Variants in TMC5 observed in about 807,000 individuals in gnomAD.
TMC5 encodes transmembrane channel-like protein 5.
In TMC5, 86 loss-of-function variants were observed where a neutral mutation model predicts 110.5. The observed-to-expected ratio is 0.78, with a 90% CI of 0.65 to 0.93. The LOEUF (loss-of-function observed/expected upper bound fraction) is 0.93, where lower values mean the gene tolerates loss of function less well. Among genes scored for constraint, TMC5 ranks in the 40% least tolerant of loss-of-function variants. The pLI is 0.00. For missense variants in TMC5, 1,144 were observed against 1,222.8 expected, an observed-to-expected ratio of 0.94 and a Z score of 0.96; for synonymous variants, 455 against 439.5, an observed-to-expected ratio of 1.04 and a Z score of -0.44.
At chr16:19,471,343 G>A (rs917945446) in intron 10 of TMC5, among the ~76,000 whole-genome samples, 1 of 151,902 alleles carries the variant, frequency 6.6e-6, no homozygotes, top group African/African-American at 2.4e-5. Flanking sequence ...CTCCCACCTC[G>A]GCCTCCCAAC....
chr16:19,431,246 G>A (rs868864454), intron 2 of TMC5, among the ~76,000 whole-genome samples: 18 of 152,184 alleles, frequency 1.2e-4, no homozygotes, highest in Middle Eastern at 3.4e-3. Context: ...CCCGTTAGAA[G>A]ATAAAACGTG....
intron 6 of TMC5, 96 bp downstream of exon 6, chr16:19,460,430 C>T (rs1967993484): frequency 2.5e-6 from 2 of 809,534 alleles, no homozygotes; most frequent in Non-Finnish European, 3.9e-6. Flanking sequence ...TAAATAAGCA[C>T]AATAGAAGAG....
intron 1 of TMC5, among the ~76,000 whole-genome samples, chr16:19,418,467 C>A (rs1597153090): frequency 6.6e-6 from 1 of 152,068 alleles, no homozygotes; most frequent in Admixed American, 6.6e-5. Context: ...TAATAAAATA[C>A]GGTGCACGAC....
At chr16:19,452,359 C>T (rs986155584) in intron 5 of TMC5, among the ~76,000 whole-genome samples, 2 of 152,168 alleles carry the variant, frequency 1.3e-5, no homozygotes, top group African/African-American at 4.8e-5. Context: ...TACCTGAACC[C>T]AGTCCTCTTG....
intron 1 of TMC5, among the ~76,000 whole-genome samples, chr16:19,420,120 A>G (rs1966951716): frequency 6.6e-6 from 1 of 151,946 alleles, no homozygotes; most frequent in Non-Finnish European, 1.5e-5. Flanking sequence ...CACCACCATT[A>G]ATGATTAAAA....
intron 12 of TMC5, among the ~76,000 whole-genome samples, chr16:19,476,758 C>T (rs540017547): frequency 2.4e-4 from 36 of 152,300 alleles, no homozygotes; most frequent in Admixed American, 4.6e-4. Context: ...TCAGTGGCTT[C>T]GAACACAAAG....
chr16:19,426,606 G>A (rs1022942796), intron 1 of TMC5, among the ~76,000 whole-genome samples: 6 of 152,284 alleles, frequency 3.9e-5, no homozygotes, highest in African/African-American at 9.6e-5. Context: ...AGAGACGGGC[G>A]TCCTCCTTCT....
intron 5 of TMC5, among the ~76,000 whole-genome samples, chr16:19,457,737 T>TTTTTG (rs1967922582): frequency 8.2e-6 from 1 of 122,506 alleles, no homozygotes; most frequent in Non-Finnish European, 1.7e-5. Context: ...TTTTTTTTTT[T>TTTTTG]TTTTTTGAGA....
chr16:19,485,416 A>G (rs1285504802), intron 15 of TMC5, among the ~76,000 whole-genome samples: 5 of 152,136 alleles, frequency 3.3e-5, no homozygotes. Context: ...GGGGTCAGTA[A>G]GACCCTAGAT....
chr16:19,449,535 C>G lies in TMC5; in HGVS notation c.959-7C>G. 1 of 1,613,214 alleles carries G rather than the reference C, an allele frequency of 6.2e-7. No individual in the cohort carries two copies. The highest frequency in any genetic ancestry group is 8.5e-7 in the Non-Finnish European group (1 of 1,179,212). ...AATCGGCAATATCTCCTTCCTCTTC[C>G]CTCCAGTGAACCCTGCTTATGTAGG... On this transcript the variant is annotated splice_polypyrimidine_tract_variant and splice_region_variant and intron_variant, in intron 4 of 21. Transcript: ENST00000542583.
chr16:19,418,725 GTGT>G (rs1230242470), intron 1 of TMC5, among the ~76,000 whole-genome samples: 1 of 88,692 alleles, frequency 1.1e-5, no homozygotes, highest in Non-Finnish European at 2.0e-5. Flanking sequence ...AGTGATTTTT[GTGT>G]TTTTTTTTTT....
chr16:19,416,049 TA>T (rs1966875334), upstream of TMC5, among the ~76,000 whole-genome samples: 1 of 152,130 alleles, frequency 6.6e-6, no homozygotes, highest in South Asian at 2.1e-4. Flanking sequence ...AATGTGGTGG[TA>T]CATACCTGTA....
intron 2 of TMC5, among the ~76,000 whole-genome samples, chr16:19,439,351 A>T (rs907459789): frequency 6.6e-6 from 1 of 152,170 alleles, no homozygotes; most frequent in African/African-American, 2.4e-5. Context: ...ATATTAATTT[A>T]TGCTTTGAAC....
chr16:19,473,345 C>CAAAAAAAAAAAAAAAAAAAAAA (rs35872301), intron 11 of TMC5, among the ~76,000 whole-genome samples: 1 of 20,238 alleles, frequency 4.9e-5, no homozygotes, highest in African/African-American at 1.0e-4. Context: ...GACTCCGGCT[C>CAAAAAAAAAAAAAAAAAAAAAA]AAAAAAAAAA....
intron 1 of TMC5, among the ~76,000 whole-genome samples, chr16:19,428,659 C>G (rs1056847926): frequency 6.6e-6 from 1 of 152,134 alleles, no homozygotes; most frequent in Non-Finnish European, 1.5e-5. Context: ...CTCTTTCTCA[C>G]TCATTTAACA....
chr16:19,427,851 C>T (rs1967117239), intron 1 of TMC5, among the ~76,000 whole-genome samples: 1 of 108,294 alleles, frequency 9.2e-6, no homozygotes, highest in Admixed American at 1.0e-4. Flanking sequence ...ATAGTTTCTG[C>T]CACTCTCTTT....
intron 15 of TMC5, among the ~76,000 whole-genome samples, chr16:19,482,879 AT>A (rs955598820): frequency 6.6e-6 from 1 of 151,106 alleles, no homozygotes; most frequent in Admixed American, 6.6e-5. Flanking sequence ...TTTATTTTTA[AT>A]TTTCTTATTA....
In TMC5 at chr16:19,430,501, A is replaced by C. The variant is rs1967173267; in HGVS notation, c.-219A>C. ...TTATAACCCTCCGTAAATCATCTGC[A>C]TCCCAGCTCCCATCAAAAGCCAGCC... On this transcript the variant is annotated 5_prime_UTR_variant, in exon 2 of 22. Coordinates refer to ENST00000542583, the MANE Select transcript of TMC5 (RefSeq NM_001261841.2). 6.6e-6 allele frequency: 1 copy of C among 152,478 alleles called. No individual in the cohort carries two copies. Among genetic ancestry groups the C allele is most frequent in the African/African-American group, 2.4e-5 (1 of 41,440 alleles). The allele number at this position is 152,478 out of a possible 1,614,324, so 9.4% of individuals were successfully genotyped here. A position where few individuals can be genotyped will look rare whatever the true frequency, so the allele number is the denominator to read the frequency against.
At chr16:19,488,571 C>G (rs973536800) in intron 17 of TMC5, among the ~76,000 whole-genome samples, 14 of 151,970 alleles carry the variant, frequency 9.2e-5, no homozygotes, top group Admixed American at 7.2e-4. Context: ...CCCCTCCCAA[C>G]AAGGGCAGAG....
Sources: gnomAD v4.1 joint callset for allele counts (sites outside exome capture counted in the v4.1 genomes callset) on GRCh38, gnomAD v4.1.1 for gene constraint, MANE v1.5 for transcripts, NCBI Gene and HGNC (gene_info 2026-07-23, HGNC 2026-07-21) for gene names.